Variants in SAMSN1 observed in about 807,000 individuals in gnomAD.
SAMSN1 encodes SAM domain, SH3 domain and nuclear localization signals 1.
In SAMSN1, 31 loss-of-function variants were observed where a neutral mutation model predicts 42.0. The observed-to-expected ratio is 0.74, with a 90% confidence interval of 0.55 to 1.00. The LOEUF (loss-of-function observed/expected upper bound fraction) is 1.00. Ranked by LOEUF, SAMSN1 falls within the 50% of genes least tolerant of loss-of-function variation. The pLI is 0.00. For synonymous variants in SAMSN1, 178 were observed against 151.9 expected (o/e 1.17, Z -1.26); for missense variants, 464 against 439.4 (o/e 1.06, Z -0.50).
intron 1 of SAMSN1, among the ~76,000 whole-genome samples, chr21:14,535,618 C>G (rs1979557122): frequency 6.6e-6 from 1 of 152,068 alleles, no homozygotes; most frequent in Non-Finnish European, 1.5e-5. Flanking sequence ...AAGAGAAAAT[C>G]AAGTAAAAAA....
chr21:14,508,664 T>A (rs1987536596), intron 5 of SAMSN1, among the ~76,000 whole-genome samples: 1 of 152,204 alleles, frequency 6.6e-6, no homozygotes, highest in Non-Finnish European at 1.5e-5. Context: ...CTTAAAGAAC[T>A]AAAAGTAGAA....
chr21:14,502,183 G>C (rs1387428405), intron 5 of SAMSN1, among the ~76,000 whole-genome samples: 4 of 152,140 alleles, frequency 2.6e-5, no homozygotes, highest in Non-Finnish European at 5.9e-5. Flanking sequence ...ACTTGTAATG[G>C]TATAATTCAC....
chr21:14,510,158 A>AG (rs1196708849), intron 5 of SAMSN1, 152 bp downstream of exon 5: 7 of 702,184 alleles, frequency 1.0e-5, no homozygotes, highest in Non-Finnish European at 1.6e-5. Flanking sequence ...AAAAAAAAAG[A>AG]AAAAAAGTCT....
At chr21:14,633,440 G>A (rs559710722) in intron 2 of SAMSN1, among the ~76,000 whole-genome samples, 72 of 152,270 alleles carry the variant, frequency 4.7e-4, no homozygotes, top group African/African-American at 1.6e-3. Flanking sequence ...GTCTAACTCT[G>A]TTAGTTTATA....
At chr21:14,555,003 A>T (rs745455086) in intron 2 of SAMSN1, among the ~76,000 whole-genome samples, 7 of 152,026 alleles carry the variant, frequency 4.6e-5, no homozygotes, top group Non-Finnish European at 7.4e-5. Context: ...CCCCAAGGAA[A>T]CTTTTTCATC....
At chr21:14,652,589 A>G (rs1983853433) in intron 1 of SAMSN1, among the ~76,000 whole-genome samples, 1 of 152,144 alleles carries the variant, frequency 6.6e-6, no homozygotes, top group Non-Finnish European at 1.5e-5. Flanking sequence ...TGAAACTAGA[A>G]GAAAACATTA....
chr21:14,525,800 A>G (rs1978809985), intron 1 of SAMSN1, among the ~76,000 whole-genome samples: 1 of 152,200 alleles, frequency 6.6e-6, no homozygotes. Flanking sequence ...TTGAGTTATC[A>G]AAAGAAATAT....
chr21:14,652,390 C>T (rs540376359), intron 1 of SAMSN1, among the ~76,000 whole-genome samples: 1 of 151,942 alleles, frequency 6.6e-6, no homozygotes, highest in African/African-American at 2.4e-5. Context: ...AATCAGCACA[C>T]TTACAGTGAA....
At chr21:14,619,037 A>G (rs1982933522) in intron 2 of SAMSN1, among the ~76,000 whole-genome samples, 1 of 152,242 alleles carries the variant, frequency 6.6e-6, no homozygotes, top group South Asian at 2.1e-4. Flanking sequence ...TTTAAGGTAA[A>G]TGAGGGTAGA....
At chr21:14,515,067 C>CA (rs1228151869) in intron 3 of SAMSN1, among the ~76,000 whole-genome samples, 109 of 148,046 alleles carry the variant, frequency 7.4e-4, no homozygotes, top group East Asian at 1.2e-3. Context: ...CATGCCTAGT[C>CA]AAAAAAAAAC....
intron 2 of SAMSN1, among the ~76,000 whole-genome samples, chr21:14,576,176 G>T (rs956865371): frequency 5.9e-5 from 9 of 152,156 alleles, no homozygotes; most frequent in Admixed American, 5.9e-4. Context: ...GCGTTTAAAG[G>T]TTTGTGAGGG....
intron 1 of SAMSN1, among the ~76,000 whole-genome samples, chr21:14,530,265 C>T (rs1249597844): frequency 1.5e-4 from 21 of 137,650 alleles, no homozygotes; most frequent in South Asian, 6.6e-4. Flanking sequence ...TGCAGTGAGC[C>T]GAGATTGAGC....
At chr21:14,631,347 A>G (rs1460455640) in intron 2 of SAMSN1, among the ~76,000 whole-genome samples, 1 of 152,194 alleles carries the variant, frequency 6.6e-6, no homozygotes, top group Non-Finnish European at 1.5e-5. Context: ...TTCTCATTTT[A>G]TAGGAGAAGA....
intron 1 of SAMSN1, among the ~76,000 whole-genome samples, chr21:14,649,794 C>T (rs1339605690): frequency 1.3e-5 from 2 of 151,556 alleles, no homozygotes; most frequent in Admixed American, 6.6e-5. Flanking sequence ...CACACACACA[C>T]ACACACACAC....
rs544376061 is a variant in SAMSN1 at position 14,516,817 on chromosome 21, C to T, written c.279+75G>A. On this transcript the variant is annotated intron_variant, in intron 3 of 7. Transcript: ENST00000400566. ...CTTAAGTACTTCATAAAGTACCAAG[C>T]ACTTCTATAGTCTAGCTGAATAGTT... 7.4e-6 allele frequency: 9 copies of T among 1,222,788 alleles called. No homozygotes were observed. The Admixed American group carries it at 1.3e-4, about 18-fold the overall frequency. 75.7% of individuals were successfully genotyped at this position (1,222,788 alleles called of 1,614,324 possible).
chr21:14,582,444 A>G (rs1006775367), exon 2 of SAMSN1: 1 of 1,521,906 alleles, frequency 6.6e-7, no homozygotes, highest in Non-Finnish European at 8.9e-7. Flanking sequence ...TTTTCTCGGG[A>G]CTTGGTTAAT....
intron 5 of SAMSN1, among the ~76,000 whole-genome samples, chr21:14,506,356 C>T (rs1234669195): frequency 3.3e-5 from 5 of 151,924 alleles, no homozygotes; most frequent in African/African-American, 9.7e-5. Flanking sequence ...TGAAATGAAA[C>T]GGGGTATTAC....
At position 14,647,218 on chromosome 21, in the gene SAMSN1, C is replaced by G. The variant is rs141627039; in HGVS notation, c.25-4085G>C. Among the ~76,000 whole-genome samples the G allele has an allele frequency of 6.6e-3, 1,009 of 152,250 alleles. 15 individuals carry two copies. The highest frequency in any genetic ancestry group is 0.023 in the African/African-American group (955 of 41,564). On this transcript the variant is annotated intron_variant, in intron 1 of 15. Transcript: ENST00000647101. ...CACATATATATGGCTAGCCAGTTTT[C>G]CCAGCACCATTTATTAAATAGGGAA...
chr21:14,498,146 C>T (rs1986986965), intron 7 of SAMSN1, among the ~76,000 whole-genome samples: 1 of 152,166 alleles, frequency 6.6e-6, no homozygotes. Context: ...CTAACTCCCT[C>T]AGTCTTTGGG....
Sources: allele counts gnomAD v4.1 joint callset (sites outside exome capture counted in the v4.1 genomes callset), GRCh38; gene constraint gnomAD v4.1.1; transcripts MANE v1.5; gene names NCBI Gene and HGNC (gene_info 2026-07-23, HGNC 2026-07-21).